GABBR2: variants seen among roughly 807,000 people sequenced by gnomAD.
GABBR2 encodes the protein G-protein coupled receptor 51.
In GABBR2, 23 loss-of-function variants were observed where a neutral mutation model predicts 105.6. The observed-to-expected ratio is 0.22, with a 90% CI of 0.16 to 0.31. The LOEUF is 0.31. Among genes scored for constraint, GABBR2 ranks in the 10% least tolerant of loss-of-function variants. GABBR2 has a pLI of 1.00. For missense variants in GABBR2, 734 were observed against 1,245.5 expected (o/e 0.59, Z 6.18); for synonymous variants, 478 against 499.7 (o/e 0.96, Z 0.58).
intron 13 of GABBR2, among the ~76,000 whole-genome samples, chr9:98,317,264 C>T (rs1830734179): frequency 6.6e-6 from 1 of 152,220 alleles, no homozygotes; most frequent in African/African-American, 2.4e-5. Context: ...GACTTCTGGT[C>T]AGGCTGCTGC....
intron 7 of GABBR2, among the ~76,000 whole-genome samples, chr9:98,436,347 CCATATATATATATATAT>C (rs1825914694): frequency 0.011 from 342 of 31,632 alleles, 53 homozygotes; most frequent in Non-Finnish European, 0.014. Context: ...CACACACACA[CCATATATATATATATAT>C]ATATATATAT....
At chr9:98,423,941 C>T (rs966521230) in intron 7 of GABBR2, among the ~76,000 whole-genome samples, 25 of 152,154 alleles carry the variant, frequency 1.6e-4, no homozygotes, top group Admixed American at 1.6e-3. Flanking sequence ...TTTCTGAGGG[C>T]TCCGTTCTGT....
At chr9:98,333,020 G>C (rs1161985160) in intron 13 of GABBR2, among the ~76,000 whole-genome samples, 2 of 152,174 alleles carry the variant, frequency 1.3e-5, no homozygotes, top group East Asian at 3.9e-4. Context: ...TCCTGAGCCA[G>C]GAACACGCTG....
chr9:98,661,662 A>G (rs1830265795), intron 1 of GABBR2, among the ~76,000 whole-genome samples: 1 of 152,092 alleles, frequency 6.6e-6, no homozygotes, highest in Non-Finnish European at 1.5e-5. Flanking sequence ...CGGCCTCCCA[A>G]AGTGCTGGGA....
Position 98,453,985 on chromosome 9 carries a change from A to T in GABBR2, c.1232T>A (p.Val411Asp). 6.2e-7 allele frequency: 1 copy of T among 1,609,454 alleles called. No individual in the cohort carries two copies. Among genetic ancestry groups the T allele is most frequent in the Non-Finnish European group, 8.5e-7 (1 of 1,175,684 alleles). ...GCCCAGAGGCATGGGACTGACCGTG[A>T]CCCCGAAGAAGTTGGTCTCGTTCAT... Reference protein sequence around the residue: ...NAMNETNFFGVTGQVVFRNGE... With the variant: ...NAMNETNFFGDTGQVVFRNGE... The change falls in exon 7 of 19, where the codon GTC (valine) becomes GAC (aspartate). Residue 411 changes from valine to aspartate, a missense_variant. Physicochemically the swap from Val to Asp is radical, Grantham distance 152. Around this residue, in one of 7 missense-constraint regions of GABBR2, gnomAD observed 370 missense variants for 648.9 expected, o/e 0.57. Coordinates refer to ENST00000259455, the MANE Select transcript of GABBR2 (RefSeq NM_005458.8).
intron 13 of GABBR2, among the ~76,000 whole-genome samples, chr9:98,344,738 C>T (rs548176736): frequency 6.6e-5 from 10 of 152,240 alleles, no homozygotes; most frequent in East Asian, 1.9e-4. Context: ...CAGTGATTCC[C>T]GGGGCTCCTA....
chr9:98,481,076 A>G, intron 4 of GABBR2, 79 bp from the exon 5 acceptor site: 2 of 915,208 alleles, frequency 2.2e-6, no homozygotes, highest in Non-Finnish European at 1.8e-6. Flanking sequence ...GGCAGACAAC[A>G]TTCCTTCACC....
chr9:98,496,162 A>G (rs1827275422), intron 4 of GABBR2: 1 of 519,442 alleles, frequency 1.9e-6, no homozygotes, highest in East Asian at 3.3e-5. Flanking sequence ...GGCTGCGTTG[A>G]GAGATATAAA....
At chr9:98,416,196 G>T (rs1832687138) in intron 7 of GABBR2, among the ~76,000 whole-genome samples, 1 of 152,122 alleles carries the variant, frequency 6.6e-6, no homozygotes. Context: ...GCTCTCTCTG[G>T]AGCCTGCAGG....
At chr9:98,630,998 A>G (rs769763494) in intron 1 of GABBR2, among the ~76,000 whole-genome samples, 4 of 152,226 alleles carry the variant, frequency 2.6e-5, no homozygotes, top group Non-Finnish European at 5.9e-5. Context: ...CAGCACAGAT[A>G]GAGAACGGTG....
chr9:98,656,701 C>T (rs1375654705), intron 1 of GABBR2, among the ~76,000 whole-genome samples: 1 of 152,162 alleles, frequency 6.6e-6, no homozygotes, highest in East Asian at 1.9e-4. Context: ...AGCCAGTTAC[C>T]AGTTATGCCT....
chr9:98,296,413 T>TA (rs1428362115), intron 17 of GABBR2, among the ~76,000 whole-genome samples: 6 of 152,140 alleles, frequency 3.9e-5, no homozygotes, highest in Non-Finnish European at 5.9e-5. Context: ...AGTATTGTGT[T>TA]ACAGCAGCAC....
rs117030476 is a variant in GABBR2 at position 98,633,336 on chromosome 9, G to A, written c.322-55264C>T. On this transcript the variant is annotated intron_variant, in intron 1 of 18. Transcript: ENST00000259455. Reference sequence around the variant, plus strand: ...TCCAAAAAACTATAAAGAATAAGAAGAACAGGCCAGGCGCAGTGGCTTACG... The same window carrying A: ...TCCAAAAAACTATAAAGAATAAGAAAAACAGGCCAGGCGCAGTGGCTTACG... 5.7e-3 allele frequency among the ~76,000 whole-genome samples: 860 copies of A among 152,172 alleles called. 21 individuals are homozygous for A. Among genetic ancestry groups the A allele is most frequent in the East Asian group, 0.056 (289 of 5,180 alleles).
chr9:98,347,880 C>G (rs1410521744), intron 13 of GABBR2, among the ~76,000 whole-genome samples: 1 of 152,138 alleles, frequency 6.6e-6, no homozygotes, highest in Non-Finnish European at 1.5e-5. Flanking sequence ...GGCAATTTCC[C>G]CCATACTATT....
At chr9:98,361,144 T>C (rs1329513851) in intron 13 of GABBR2, among the ~76,000 whole-genome samples, 1 of 152,172 alleles carries the variant, frequency 6.6e-6, no homozygotes, top group Non-Finnish European at 1.5e-5. Context: ...AGAAAGCCTG[T>C]AAAACTGCTA....
At chr9:98,564,022 C>T (rs1167971413) in intron 2 of GABBR2, among the ~76,000 whole-genome samples, 1 of 140,210 alleles carries the variant, frequency 7.1e-6, no homozygotes, top group African/African-American at 2.5e-5. Context: ...TTGAAGGAAT[C>T]ATTTATTTTT....
chr9:98,469,650 C>A lies in GABBR2; in HGVS notation c.999+3496G>T, dbSNP rs192479150. On this transcript the variant is annotated intron_variant, in intron 6 of 18. Transcript: ENST00000259455. ...CCTTAAGTTAATTACACCTGCAAAACCCCCCTTTTCCAAACAAGGTCACAC... is the reference window on the plus strand; with the variant it reads ...CCTTAAGTTAATTACACCTGCAAAAACCCCCTTTTCCAAACAAGGTCACAC... Among the ~76,000 whole-genome samples the A allele has an allele frequency of 1.2e-3, 183 of 151,804 alleles. 1 individual carries two copies. Among genetic ancestry groups the A allele is most frequent in the Non-Finnish European group, 1.9e-3 (131 of 68,018 alleles).
chr9:98,495,524 T>C (rs763491307), intron 4 of GABBR2, among the ~76,000 whole-genome samples: 1 of 152,186 alleles, frequency 6.6e-6, no homozygotes, highest in Non-Finnish European at 1.5e-5. Flanking sequence ...CTTCTAAGCT[T>C]GGCATTCAAG....
At chr9:98,581,925 C>T (rs1829008701) in intron 1 of GABBR2, among the ~76,000 whole-genome samples, 1 of 152,208 alleles carries the variant, frequency 6.6e-6, no homozygotes, top group African/African-American at 2.4e-5. Context: ...GTCACGGCTT[C>T]TCACAAATAC....
Sources: gnomAD v4.1 joint callset for allele counts (sites outside exome capture counted in the v4.1 genomes callset) on GRCh38, gnomAD v4.1.1 for gene constraint, gnomAD v4.1.1 regional missense constraint, MANE v1.5 for transcripts, NCBI Gene and HGNC (gene_info 2026-07-23, HGNC 2026-07-21) for gene names.